The following RANBP17 variants were observed in gnomAD, a reference collection of about 807,000 sequenced individuals.
RANBP17 encodes the protein RAN binding protein 17, also known as ran-binding protein 17.
A neutral mutation model predicts 141.2 loss-of-function variants in RANBP17; 158 were observed. That is an observed-to-expected ratio of 1.12 (90% CI 0.98 to 1.28). The LOEUF (loss-of-function observed/expected upper bound fraction) is 1.28, where lower values mean the gene tolerates loss of function less well. RANBP17 is among the 50% of genes most tolerant of loss of function. The pLI, the probability that RANBP17 is intolerant of heterozygous loss-of-function variation, is 0.00. For missense variants in RANBP17, 1,438 were observed against 1,290.7 expected, an observed-to-expected ratio of 1.11 and a Z score of -1.75; for synonymous variants, 430 against 450.0, an observed-to-expected ratio of 0.96 and a Z score of 0.56.
intron 19 of RANBP17, among the ~76,000 whole-genome samples, chr5:171,203,084 G>A (rs1762389259): frequency 6.6e-6 from 1 of 152,010 alleles, no homozygotes; most frequent in Non-Finnish European, 1.5e-5. Context: ...GAATCCATAG[G>A]GTTAGATCTC....
At chr5:171,058,239 C>A (rs1354401933) in intron 14 of RANBP17, among the ~76,000 whole-genome samples, 2 of 151,356 alleles carry the variant, frequency 1.3e-5, no homozygotes, top group South Asian at 2.1e-4. Context: ...TATACATATG[C>A]CATGCTGGTG....
At chr5:171,039,289 T>G (rs1228316271) in intron 14 of RANBP17, among the ~76,000 whole-genome samples, 1 of 150,848 alleles carries the variant, frequency 6.6e-6, no homozygotes, top group East Asian at 1.9e-4. Context: ...CTATTCTGAC[T>G]GGTGTGACAT....
chr5:171,022,980 C>A (rs1398555643), intron 14 of RANBP17, among the ~76,000 whole-genome samples: 1 of 152,170 alleles, frequency 6.6e-6, no homozygotes, highest in Admixed American at 6.5e-5. Context: ...GTTTCCCTTG[C>A]TGGGTAGCAT....
At chr5:171,020,444 A>T (rs1034964661) in intron 14 of RANBP17, among the ~76,000 whole-genome samples, 1 of 152,116 alleles carries the variant, frequency 6.6e-6, no homozygotes, top group Non-Finnish European at 1.5e-5. Context: ...TGTGAATCTC[A>T]GTGCTCCTGT....
At chr5:171,061,495 G>A (rs1244165267) in intron 14 of RANBP17, among the ~76,000 whole-genome samples, 2 of 151,968 alleles carry the variant, frequency 1.3e-5, no homozygotes, top group Non-Finnish European at 2.9e-5. Flanking sequence ...TTAATCCTGA[G>A]TTCTAGTTTG....
chr5:170,918,044 T>G (rs570119760), intron 9 of RANBP17: 1 of 152,116 alleles, frequency 6.6e-6, no homozygotes, highest in Non-Finnish European at 1.5e-5. Flanking sequence ...TAAAACTGTT[T>G]TCAAGGAGCT....
At chr5:171,121,855 T>C (rs967719157) in intron 14 of RANBP17, among the ~76,000 whole-genome samples, 1 of 152,100 alleles carries the variant, frequency 6.6e-6, no homozygotes, top group Non-Finnish European at 1.5e-5. Context: ...AAGGGCACAC[T>C]CCAGAGGTGC....
chr5:171,249,395 A>G (rs1561799621), intron 24 of RANBP17, among the ~76,000 whole-genome samples: 1 of 152,216 alleles, frequency 6.6e-6, no homozygotes, highest in Non-Finnish European at 1.5e-5. Context: ...ACACCTCCCA[A>G]GGAACACAGT....
intron 14 of RANBP17, among the ~76,000 whole-genome samples, chr5:171,140,038 A>G (rs184635711): frequency 6.3e-4 from 96 of 152,248 alleles, no homozygotes; most frequent in African/African-American, 2.0e-3. Flanking sequence ...TCAGTCAGGA[A>G]CATTCTCTTC....
At chr5:171,277,938 CTTTTTTTTTTTTTTTTTTTT>C (rs140208253) in intron 25 of RANBP17, among the ~76,000 whole-genome samples, 1 of 72,266 alleles carries the variant, frequency 1.4e-5, no homozygotes, top group African/African-American at 5.7e-5. Flanking sequence ...GGACTTCTTT[CTTTTTTTTTTTTTTTTTTTT>C]TTTTTTTTTT....
At chr5:171,090,194 G>T (rs1305024667) in intron 14 of RANBP17, among the ~76,000 whole-genome samples, 2 of 152,206 alleles carry the variant, frequency 1.3e-5, no homozygotes, top group Non-Finnish European at 2.9e-5. Context: ...TGACCAAAAT[G>T]CTGATAATGA....
At chr5:171,072,369 A>T (rs78115965) in intron 14 of RANBP17, among the ~76,000 whole-genome samples, 1 of 152,062 alleles carries the variant, frequency 6.6e-6, no homozygotes, top group African/African-American at 2.4e-5. Context: ...GTAAATTTGT[A>T]TTGTTTTAAG....
At position 170,992,993 on chromosome 5, in the gene RANBP17, G is replaced by A. The variant is rs542042967; in HGVS notation, c.1710+24616G>A. 1.7e-3 allele frequency among the ~76,000 whole-genome samples: 254 copies of A among 152,144 alleles called. 1 individual carries two copies. Among genetic ancestry groups the A allele is most frequent in the African/African-American group, 5.9e-3 (244 of 41,548 alleles). ...GAGAACTACTGAATTGTTATTTGAAGGCAGATGCTCTGCCTTGTTTCTTTT... is the reference window on the plus strand; with the variant it reads ...GAGAACTACTGAATTGTTATTTGAAAGCAGATGCTCTGCCTTGTTTCTTTT... On this transcript the variant is annotated intron_variant, in intron 14 of 27. Coordinates refer to ENST00000523189, the MANE Select transcript of RANBP17 (RefSeq NM_022897.5).
chr5:170,980,800 G>C lies in RANBP17; in HGVS notation c.1710+12423G>C, dbSNP rs775683283. ...AATGTGGGGTTGGAGCCCCCACACA[G>C]AGTCCCTACTGGGGCATCGTCTAGT... On this transcript the variant is annotated intron_variant, in intron 14 of 27. Coordinates refer to ENST00000523189, the MANE Select transcript of RANBP17 (RefSeq NM_022897.5). Among the ~76,000 whole-genome samples the C allele has an allele frequency of 1.8e-3, 272 of 152,332 alleles. 3 individuals are homozygous for C. The highest frequency in any genetic ancestry group is 1.6e-3 in the Non-Finnish European group (108 of 68,034).
intron 14 of RANBP17, among the ~76,000 whole-genome samples, chr5:171,040,354 C>G (rs1782176481): frequency 6.6e-6 from 1 of 152,114 alleles, no homozygotes; most frequent in African/African-American, 2.4e-5. Flanking sequence ...GAGCCAGGGA[C>G]TTTCTTAAAT....
At position 170,955,617 on chromosome 5, in the gene RANBP17, GTATATA is replaced by G. The variant is rs35979849; in HGVS notation, c.1574+1933_1574+1938del. ...ATATATATATATATATATGCTCAGT[GTATATA>G]TATATATATATATATATGCTCAGTG... On this transcript the variant is annotated intron_variant, in intron 13 of 27. Coordinates refer to ENST00000523189, the MANE Select transcript of RANBP17 (RefSeq NM_022897.5). Among the ~76,000 whole-genome samples the G allele has an allele frequency of 7.6e-3, 282 of 36,918 alleles. 14 individuals carry two copies. The highest frequency in any genetic ancestry group is 0.033 in the South Asian group (29 of 890). The allele number at this position is 36,918 out of a possible 152,430, so 24.2% of individuals were successfully genotyped here.
At chr5:171,019,723 T>C (rs1300558917) in intron 14 of RANBP17, among the ~76,000 whole-genome samples, 1 of 152,232 alleles carries the variant, frequency 6.6e-6, no homozygotes, top group Non-Finnish European at 1.5e-5. Flanking sequence ...CCTGGATTCA[T>C]TGATTTTTTT....
intron 14 of RANBP17, among the ~76,000 whole-genome samples, chr5:170,980,815 C>T (rs1481136184): frequency 1.3e-5 from 2 of 152,334 alleles, no homozygotes; most frequent in South Asian, 2.1e-4. Context: ...CCTACTGGGG[C>T]ATCGTCTAGT....
intron 22 of RANBP17, among the ~76,000 whole-genome samples, chr5:171,230,090 A>G (rs1038032502): frequency 1.3e-5 from 2 of 152,212 alleles, no homozygotes; most frequent in South Asian, 2.1e-4. Flanking sequence ...AAAGAATCTT[A>G]TAGATTCTTC....
Sources: gnomAD v4.1 joint callset for allele counts (sites outside exome capture counted in the v4.1 genomes callset) on GRCh38, gnomAD v4.1.1 for gene constraint, MANE v1.5 for transcripts, NCBI Gene and HGNC (gene_info 2026-07-23, HGNC 2026-07-21) for gene names.